The following ZNF821 variants were observed in gnomAD, a reference collection of about 807,000 sequenced individuals.
ZNF821 encodes zinc finger protein 821.
A neutral mutation model predicts 44.3 loss-of-function variants in ZNF821; 16 were observed. The observed-to-expected ratio is 0.36, with a 90% CI of 0.24 to 0.55. The LOEUF (loss-of-function observed/expected upper bound fraction) is 0.55, where lower values mean the gene tolerates loss of function less well. ZNF821 is among the 20% of genes least tolerant of loss of function. ZNF821 has a pLI of 0.86. For synonymous variants in ZNF821, 204 were observed against 197.6 expected (o/e 1.03, Z -0.27); for missense variants, 436 against 547.6 (o/e 0.80, Z 2.03).
intron 1 of ZNF821, among the ~76,000 whole-genome samples, chr16:71,890,393 T>A (rs1294058118): frequency 6.7e-6 from 1 of 150,028 alleles, no homozygotes; most frequent in African/African-American, 2.4e-5. Context: ...CAGCAAACTT[T>A]TTTTTTTTTT....
chr16:71,893,206 G>T (rs1367742464), intron 1 of ZNF821, among the ~76,000 whole-genome samples: 3 of 149,230 alleles, frequency 2.0e-5, no homozygotes, highest in African/African-American at 7.4e-5. Context: ...TTTTTGTATT[G>T]TTGGTAGAGA....
intron 3 of ZNF821, among the ~76,000 whole-genome samples, chr16:71,877,611 A>C (rs2035961844): frequency 6.6e-6 from 1 of 151,938 alleles, no homozygotes. Context: ...TACTTGACTA[A>C]TCTGTCCTCT....
At position 71,860,159 on chromosome 16, in the gene ZNF821, C is replaced by G. The variant is rs1187890356; in HGVS notation, c.1098G>C (p.Gln366His). 6.2e-7 allele frequency: 1 copy of G among 1,614,144 alleles called. No homozygotes were observed. Among genetic ancestry groups the G allele is most frequent in the Non-Finnish European group, 8.5e-7 (1 of 1,180,058 alleles). The change falls in exon 8 of 8, where the codon CAG (glutamine) becomes CAC (histidine). Residue 366 changes from glutamine (Q) to histidine (H), a missense_variant. Gln to His is a conservative substitution (Grantham distance 24). Around this residue, in one of 5 missense-constraint regions of ZNF821, gnomAD observed 55 missense variants for 56.9 expected, o/e 0.97. Coordinates refer to ENST00000425432, the MANE Select transcript of ZNF821 (RefSeq NM_001201552.2). This position sits in a 1 kb window ranked among gnomAD's most constrained non-coding sequence, Gnocchi z 7.3. Reference sequence around the variant, plus strand: ...CCATGGCAGAAGGGTCCTGGCCAAACTGAGCTCGCAACATCATGTCCATTT... The same window carrying G: ...CCATGGCAGAAGGGTCCTGGCCAAAGTGAGCTCGCAACATCATGTCCATTT... ...LEKMDMMLRA[Q>H]FGQDPSAMAA...
intron 1 of ZNF821, chr16:71,894,253 C>G (rs899754628): frequency 6.6e-6 from 1 of 152,196 alleles, no homozygotes; most frequent in Non-Finnish European, 1.5e-5. Flanking sequence ...TCTGGAGGCC[C>G]CTTTTTCTTT....
At chr16:71,883,103 C>G (rs1171890930) in intron 2 of ZNF821, 108 bp downstream of exon 2, 1 of 456,322 alleles carries the variant, frequency 2.2e-6, no homozygotes, top group African/African-American at 2.0e-5. Context: ...AACACTGTCT[C>G]TGCTCTCCCA....
intron 3 of ZNF821, among the ~76,000 whole-genome samples, chr16:71,873,246 T>C (rs558714691): frequency 2.6e-5 from 4 of 151,544 alleles, no homozygotes; most frequent in South Asian, 4.2e-4. Context: ...TGCCTGAACC[T>C]GGGAGGCGGA....
chr16:71,860,676 G>C lies in ZNF821; in HGVS notation c.585-4C>G. On this transcript the variant is annotated splice_region_variant and splice_polypyrimidine_tract_variant and intron_variant, in intron 7 of 7. Coordinates refer to ENST00000425432, the MANE Select transcript of ZNF821 (RefSeq NM_001201552.2). The surrounding 1 kb of genome is among the most constrained non-coding windows in gnomAD (Gnocchi z 7.3). ...TAGTACTTCAGGAAGTTTCTCACTG[G>C]AAAGGAAACATTTTGGATGGTTAGT... The C allele has an allele frequency of 6.2e-7, 1 of 1,609,994 alleles. No individual in the cohort carries two copies. The highest frequency in any genetic ancestry group is 8.5e-7 in the Non-Finnish European group (1 of 1,178,136).
chr16:71,885,974 A>G (rs2036838388), upstream of ZNF821, among the ~76,000 whole-genome samples: 1 of 152,246 alleles, frequency 6.6e-6, no homozygotes, highest in African/African-American at 2.4e-5. Context: ...ACTGAGGGAT[A>G]CAAGTATGGC....
chr16:71,885,551 C>T (rs758544285), upstream of ZNF821, among the ~76,000 whole-genome samples: 43 of 152,226 alleles, frequency 2.8e-4, no homozygotes, highest in Non-Finnish European at 4.9e-4. Context: ...GCAGGGCTAA[C>T]GAGGATGCTG....
At chr16:71,866,265 A>G (rs974188383) in intron 4 of ZNF821, among the ~76,000 whole-genome samples, 2 of 152,200 alleles carry the variant, frequency 1.3e-5, no homozygotes, top group Non-Finnish European at 1.5e-5. Flanking sequence ...TGAGAGCAAC[A>G]TATTTCCCTT....
chr16:71,885,071 G>T (rs2036796078), upstream of ZNF821, among the ~76,000 whole-genome samples: 1 of 152,124 alleles, frequency 6.6e-6, no homozygotes, highest in Non-Finnish European at 1.5e-5. Flanking sequence ...GGCCAGGCTG[G>T]TCCCGAACTC....
chr16:71,877,806 G>A (rs186095970), intron 3 of ZNF821, among the ~76,000 whole-genome samples: 7,134 of 151,372 alleles, frequency 0.047, 236 homozygotes, highest in Middle Eastern at 0.15. Flanking sequence ...TGTAGTCCCA[G>A]CTACTCGGGA....
chr16:71,895,067 G>A (rs1161021536), exon 1 of ZNF821: 21 of 446,600 alleles, frequency 4.7e-5, no homozygotes, highest in Admixed American at 8.0e-5. Context: ...TCAGGGATAC[G>A]CAGGCTTCGA....
At chr16:71,889,981 C>T (rs1468943937) in intron 1 of ZNF821, among the ~76,000 whole-genome samples, 1 of 152,016 alleles carries the variant, frequency 6.6e-6, no homozygotes, top group Non-Finnish European at 1.5e-5. Flanking sequence ...AAAACAAAAA[C>T]AAAAAAATGA....
At position 71,860,546 on chromosome 16, in the gene ZNF821, C is replaced by T. The variant is rs867202126; in HGVS notation, c.711G>A (p.Val237=). 3.1e-6 allele frequency: 5 copies of T among 1,614,144 alleles called. No homozygotes were observed. The highest frequency in any genetic ancestry group is 1.3e-5 in the African/African-American group (1 of 75,030). The change falls in exon 8 of 8, where the codon GTG becomes GTA. Residue 237 remains valine (V), a synonymous_variant. Transcript: ENST00000425432. The surrounding 1 kb of genome is among the most constrained non-coding windows in gnomAD (Gnocchi z 7.3). ...TACGGTAGGCAGCACAGTTGTTGCA[C>T]ACAAGCAGAATTCCAGCAGGGTACA... The part of the protein sequence containing the change: ...PPVYPAGILL[V]CNNCAAYRKL...
chr16:71,890,886 C>G (rs1038773143), intron 1 of ZNF821, among the ~76,000 whole-genome samples: 1 of 151,080 alleles, frequency 6.6e-6, no homozygotes, highest in South Asian at 2.1e-4. Context: ...ATTCTCCTGC[C>G]TCAGCCTCCC....
In ZNF821 at chr16:71,860,093, T is replaced by C; in HGVS notation, c.1164A>G (p.Val388=). 6.2e-7 allele frequency: 1 copy of C among 1,614,204 alleles called. No individual in the cohort carries two copies. The highest frequency in any genetic ancestry group is 8.5e-7 in the Non-Finnish European group (1 of 1,180,028). The change falls in exon 8 of 8, where the codon GTA becomes GTG. Residue 388 remains valine, a synonymous_variant. Coordinates refer to ENST00000425432, the MANE Select transcript of ZNF821 (RefSeq NM_001201552.2). This position sits in a 1 kb window ranked among gnomAD's most constrained non-coding sequence, Gnocchi z 7.3. ...AAEMNFFQLP[V]SGVELDSQLL... is the part of the protein sequence containing the mutation. ...GCTGGCTGTCCAACTCCACCCCACT[T>C]ACAGGCAGCTGGAAGAAGTTCATTT... is the stretch of plus-strand genomic sequence containing the variant.
rs748175590 is a variant in ZNF821, at chr16:71,860,523, C to T, written c.734G>A (p.Arg245His). 24 of 1,614,144 alleles carry T rather than the reference C, an allele frequency of 1.5e-5. No homozygotes were observed. Among genetic ancestry groups the T allele is most frequent in the Non-Finnish European group, 1.9e-5 (22 of 1,180,036 alleles). Residue 245 changes from arginine to histidine, a missense_variant, in exon 8 of 8, where the codon CGT becomes CAT. Arg to His is a conservative substitution (Grantham distance 29). This residue lies in a region of ZNF821 where 68 missense variants were observed against 57.0 expected (regional missense o/e 1.19). Transcript: ENST00000425432. The surrounding 1 kb of genome is among the most constrained non-coding windows in gnomAD (Gnocchi z 7.3). ...GGGAGTCTGGGCTTCCAGCAGTTTA[C>T]GGTAGGCAGCACAGTTGTTGCACAC... Reference protein sequence around the residue: ...LLVCNNCAAYRKLLEAQTPSV... With the variant: ...LLVCNNCAAYHKLLEAQTPSV...
At chr16:71,862,810 G>A (rs1239344620) in intron 6 of ZNF821, among the ~76,000 whole-genome samples, 1 of 152,124 alleles carries the variant, frequency 6.6e-6, no homozygotes, top group African/African-American at 2.4e-5. Flanking sequence ...CAGGTGCCCT[G>A]TGATTGGATC....
Sources: gnomAD v4.1 joint callset for allele counts (sites outside exome capture counted in the v4.1 genomes callset) on GRCh38, gnomAD v4.1.1 for gene constraint, gnomAD v4.1.1 regional missense constraint, Gnocchi (gnomAD v3.1) non-coding constraint, MANE v1.5 for transcripts, NCBI Gene and HGNC (gene_info 2026-07-23, HGNC 2026-07-21) for gene names.